Variants in BPIFA3 observed in about 807,000 individuals in gnomAD.
BPIFA3 encodes BPI fold-containing family A member 3.
A neutral mutation model predicts 29.7 loss-of-function variants in BPIFA3; 32 were observed. The ratio of observed to expected loss-of-function variants is 1.08; its 90% CI spans 0.81 to 1.45. The LOEUF is 1.45. BPIFA3 is among the 40% of genes most tolerant of loss of function. BPIFA3 has a pLI of 0.00. For missense variants in BPIFA3, 323 were observed against 311.3 expected (o/e 1.04, Z -0.28); for synonymous variants, 112 against 113.7 (o/e 0.98, Z 0.10).
intron 1 of BPIFA3, 185 bp from the exon 2 acceptor site, chr20:33,223,626 C>A: frequency 1.6e-6 from 1 of 628,208 alleles, no homozygotes; most frequent in Non-Finnish European, 2.6e-6. Flanking sequence ...CTTTATTTCT[C>A]ACATCAATCT....
intron 1 of BPIFA3, among the ~76,000 whole-genome samples, chr20:33,220,097 TAA>T (rs879786771): frequency 3.5e-3 from 417 of 119,334 alleles, no homozygotes; most frequent in African/African-American, 0.011. Flanking sequence ...CCCTGTCTCT[TAA>T]AAAAAAAAAA....
At chr20:33,227,506 C>A in intron 6 of BPIFA3, 32 bp from the exon 7 acceptor site, 3 of 1,577,558 alleles carry the variant, frequency 1.9e-6, no homozygotes, top group Non-Finnish European at 2.6e-6. Context: ...GGTGGGCACA[C>A]TGGTGACAGA....
chr20:33,225,120 A>G lies in BPIFA3; in HGVS notation c.409A>G (p.Lys137Glu). 1 of 1,614,146 alleles carries G rather than the reference A, an allele frequency of 6.2e-7. No individual in the cohort carries two copies. Among genetic ancestry groups the G allele is most frequent in the Non-Finnish European group, 8.5e-7 (1 of 1,180,014 alleles). ...CAGGTCCTTCGATAACAACATCGTA[A>G]AGATGTGTGCACATATGAGCATCGT... The part of the protein sequence containing the change: ...LRPSFDNNIV[K>E]MCAHMSIVVE... The change falls in exon 4 of 7, where the codon AAG becomes GAG. Residue 137 changes from lysine (K) to glutamate (E), a missense_variant. Physicochemically the swap from Lys to Glu is moderately conservative, Grantham distance 56. Coordinates refer to ENST00000375454, the MANE Select transcript of BPIFA3 (RefSeq NM_178466.5).
At chr20:33,227,114 C>T in intron 6 of BPIFA3, 121 bp downstream of exon 6, 1 of 819,442 alleles carries the variant, frequency 1.2e-6, no homozygotes, top group South Asian at 1.4e-5. Context: ...GCCGTGAGAA[C>T]ACTTTAGAGG....
rs767523474 is a variant in BPIFA3 at position 33,217,512 on chromosome 20, T to TG, written c.-25_-24insG. On this transcript the variant is annotated 5_prime_UTR_variant, in exon 1 of 7. The change creates a premature stop within an existing upstream ORF in the 5' untranslated region. Coordinates refer to ENST00000375454, the MANE Select transcript of BPIFA3 (RefSeq NM_178466.5). Reference sequence around the variant, plus strand: ...TCTGCCCAGGCCCCATCTGACACTCTTGACATCTGCAGGTCCCAGACCCTA... The same window carrying TG: ...TCTGCCCAGGCCCCATCTGACACTCTGTGACATCTGCAGGTCCCAGACCCTA... 6.2e-7 allele frequency: 1 copy of TG among 1,611,654 alleles called. No individual in the cohort carries two copies. Among genetic ancestry groups the TG allele is most frequent in the Non-Finnish European group, 8.5e-7 (1 of 1,179,084 alleles).
rs1046024087 is a variant in BPIFA3, at chr20:33,217,511, C to G, written c.-26C>G. 3 of 1,611,290 alleles carry G rather than the reference C, an allele frequency of 1.9e-6. No individual in the cohort carries two copies. Among genetic ancestry groups the G allele is most frequent in the Admixed American group, 3.4e-5 (2 of 59,528 alleles). On this transcript the variant is annotated 5_prime_UTR_variant, in exon 1 of 7. Coordinates refer to ENST00000375454, the MANE Select transcript of BPIFA3 (RefSeq NM_178466.5). ...GTCTGCCCAGGCCCCATCTGACACTCTTGACATCTGCAGGTCCCAGACCCT... is the reference window on the plus strand; with the variant it reads ...GTCTGCCCAGGCCCCATCTGACACTGTTGACATCTGCAGGTCCCAGACCCT...
At position 33,223,974 on chromosome 20, in the gene BPIFA3, G is replaced by A. The variant is rs1351831711; in HGVS notation, c.278+13G>A. 6.2e-7 allele frequency: 1 copy of A among 1,612,942 alleles called. No individual in the cohort carries two copies. Among genetic ancestry groups the A allele is most frequent in the Non-Finnish European group, 8.5e-7 (1 of 1,179,542 alleles). ...AGCAAGAGAGCAGGTGAGACCCTGA[G>A]TTCTATCCGTGGCCCTGGAACTCTT... On this transcript the variant is annotated intron_variant, in intron 2 of 6. Transcript: ENST00000375454.
chr20:33,223,588 G>A, intron 1 of BPIFA3: 2 of 478,068 alleles, frequency 4.2e-6, no homozygotes, highest in Admixed American at 3.3e-5. Flanking sequence ...AGCAGCTGTT[G>A]CCTGCCACAC....
At chr20:33,225,750 T>C (rs1985750834) in intron 4 of BPIFA3, 1 of 163,766 alleles carries the variant, frequency 6.1e-6, no homozygotes, top group Non-Finnish European at 1.3e-5. Context: ...CTGCCAACTT[T>C]TCAGCCCTTT....
chr20:33,226,307 G>A, intron 4 of BPIFA3, 99 bp from the exon 5 acceptor site: 1 of 851,314 alleles, frequency 1.2e-6, no homozygotes, highest in Non-Finnish European at 1.9e-6. Flanking sequence ...GCTGAGTGAG[G>A]ACTAAAAGAC....
At position 33,217,570 on chromosome 20, in the gene BPIFA3, C is replaced by A. The variant is rs867433677; in HGVS notation, c.34C>A (p.Leu12Ile). The stretch of plus-strand genomic sequence containing the variant: ...TCCACTCTGGAGGCTCCTCATCTTC[C>A]TCGGGTTGCTGGCCTTGCCCTTGGC... ...MCPLWRLLIFLGLLALPLAPH... is the reference protein window; with the variant it reads ...MCPLWRLLIFIGLLALPLAPH... The change falls in exon 1 of 7, where the codon CTC (leucine) becomes ATC (isoleucine). Residue 12 changes from leucine (L) to isoleucine (I), a missense_variant. Physicochemically the swap from Leu to Ile is conservative, Grantham distance 5 (BLOSUM62 2). Coordinates refer to ENST00000375454, the MANE Select transcript of BPIFA3 (RefSeq NM_178466.5). 6.2e-7 allele frequency: 1 copy of A among 1,614,192 alleles called. No homozygotes were observed. The highest frequency in any genetic ancestry group is 2.2e-5 in the East Asian group (1 of 44,882).
chr20:33,225,400 G>T, intron 4 of BPIFA3, 153 bp downstream of exon 4: 1 of 1,086,088 alleles, frequency 9.2e-7, no homozygotes, highest in Non-Finnish European at 1.3e-6. Context: ...CATCCGTGAT[G>T]ACCCTACCAC....
At chr20:33,220,725 T>A (rs1985473065) in intron 1 of BPIFA3, among the ~76,000 whole-genome samples, 1 of 152,228 alleles carries the variant, frequency 6.6e-6, no homozygotes, top group Non-Finnish European at 1.5e-5. Context: ...TGACCTCTTA[T>A]ATTTTTATTG....
At chr20:33,218,936 C>T (rs548263323) in intron 1 of BPIFA3, among the ~76,000 whole-genome samples, 4 of 152,178 alleles carry the variant, frequency 2.6e-5, no homozygotes, top group Admixed American at 1.3e-4. Flanking sequence ...GACAGAGTCT[C>T]ACTGTGTCAC....
In BPIFA3 at chr20:33,226,333, C is replaced by A; in HGVS notation, c.537-73C>A. On this transcript the variant is annotated intron_variant, in intron 4 of 6. Transcript: ENST00000375454. The stretch of plus-strand genomic sequence containing the variant: ...ACTAAAAGACTGTGGAAAGTATACT[C>A]AACACATACCTCCTGGCTTTAATAT... 4.5e-6 allele frequency: 5 copies of A among 1,103,332 alleles called. No individual in the cohort carries two copies. The Middle Eastern group carries it at 5.9e-4, about 131-fold the overall frequency. 68.3% of individuals were successfully genotyped at this position (1,103,332 alleles called of 1,614,324 possible).
At chr20:33,219,603 C>G (rs1985417019) in intron 1 of BPIFA3, among the ~76,000 whole-genome samples, 1 of 152,214 alleles carries the variant, frequency 6.6e-6, no homozygotes, top group Admixed American at 6.5e-5. Flanking sequence ...AGCTTCGCTT[C>G]TCTCCATATG....
intron 6 of BPIFA3, 34 bp downstream of exon 6, chr20:33,227,027 A>G (rs1395211278): frequency 6.3e-7 from 1 of 1,593,050 alleles, no homozygotes; most frequent in Non-Finnish European, 8.6e-7. Context: ...AGGACTTCTT[A>G]GGACTGGCAA....
chr20:33,226,361 C>G, intron 4 of BPIFA3, 45 bp from the exon 5 acceptor site: 1 of 1,404,340 alleles, frequency 7.1e-7, no homozygotes, highest in Non-Finnish European at 1.0e-6. Flanking sequence ...TTTAATATTG[C>G]CTGGATTGCT....
intron 1 of BPIFA3, among the ~76,000 whole-genome samples, chr20:33,218,307 G>T (rs1036111351): frequency 1.3e-5 from 2 of 152,194 alleles, no homozygotes; most frequent in African/African-American, 4.8e-5. Flanking sequence ...TGGGGTAGAG[G>T]TGAACTCAAT....
Sources: allele counts gnomAD v4.1 joint callset (sites outside exome capture counted in the v4.1 genomes callset), GRCh38; gene constraint gnomAD v4.1.1; transcripts MANE v1.5; gene names NCBI Gene and HGNC (gene_info 2026-07-23, HGNC 2026-07-21).